Variants in PWWP3B observed in about 807,000 individuals in gnomAD.
The protein encoded by PWWP3B is PWWP domain-containing DNA repair factor 3B.
A neutral mutation model predicts 15.7 loss-of-function variants in PWWP3B; 5 were observed. The ratio of observed to expected loss-of-function variants is 0.32; its 90% CI spans 0.17 to 0.67. The LOEUF is 0.67. Among genes scored for constraint, PWWP3B ranks in the 30% least tolerant of loss-of-function variants. PWWP3B has a pLI of 0.74. For synonymous variants in PWWP3B, 203 were observed against 179.8 expected, an observed-to-expected ratio of 1.13 and a Z score of -1.03; for missense variants, 519 against 493.1, an observed-to-expected ratio of 1.05 and a Z score of -0.50.
intron 2 of PWWP3B, among the ~76,000 whole-genome samples, chrX:106,184,005 C>T (rs929591487): frequency 8.9e-6 from 1 of 111,757 alleles, no homozygotes; most frequent in South Asian, 3.8e-4. Context: ...TCTTTGCAAA[C>T]CTCACTGGTA....
intron 2 of PWWP3B, among the ~76,000 whole-genome samples, chrX:106,188,341 C>T (rs1285248424): frequency 1.8e-5 from 2 of 111,904 alleles, no homozygotes; most frequent in Admixed American, 1.9e-4. Flanking sequence ...TATTTCTACA[C>T]TACAGAGGGT....
intron 2 of PWWP3B, among the ~76,000 whole-genome samples, chrX:106,202,261 T>G (rs1923746441): frequency 8.9e-6 from 1 of 112,014 alleles, no homozygotes; most frequent in African/African-American, 3.2e-5. Context: ...TATGCATGTA[T>G]ATATGTGATT....
At chrX:106,178,862 A>T (rs1922038316) in intron 2 of PWWP3B, among the ~76,000 whole-genome samples, 1 of 112,252 alleles carries the variant, frequency 8.9e-6, no homozygotes, top group South Asian at 3.6e-4. Flanking sequence ...TTCAGTAACC[A>T]TGCAATTATT....
At chrX:106,193,051 A>G (rs1923105872) in intron 2 of PWWP3B, among the ~76,000 whole-genome samples, 1 of 111,511 alleles carries the variant, frequency 9.0e-6, no homozygotes. Context: ...GTAGATGTCT[A>G]TTAGGTCCGC....
intron 1 of PWWP3B, among the ~76,000 whole-genome samples, chrX:106,170,605 C>T (rs1171183989): frequency 9.0e-6 from 1 of 111,233 alleles, no homozygotes; most frequent in Non-Finnish European, 1.9e-5. Context: ...TTGTATTAGC[C>T]GACTATGAGA....
chrX:106,195,963 A>G (rs1209454482), intron 2 of PWWP3B, among the ~76,000 whole-genome samples: 1 of 111,728 alleles, frequency 9.0e-6, no homozygotes, highest in Non-Finnish European at 1.9e-5. Context: ...GTCTTATTTA[A>G]TTTATCTCAT....
At chrX:106,205,160 T>G in intron 3 of PWWP3B, 59 bp from the exon 4 acceptor site, 1 of 246,163 alleles carries the variant, frequency 4.1e-6, no homozygotes, top group Non-Finnish European at 7.3e-6. Context: ...TCACCTCCCG[T>G]TTTGGCGAAA....
rs763090018 is a variant in PWWP3B at position 106,206,889 on chromosome X, C to T, written c.1457C>T (p.Thr486Met). 5.8e-6 allele frequency: 7 copies of T among 1,209,107 alleles called. No homozygotes were observed. The highest frequency in any genetic ancestry group is 3.5e-5 in the South Asian group (2 of 56,608). Residue 486 changes from threonine (T) to methionine (M), a missense_variant, in exon 4 of 4, where the codon ACG becomes ATG. By Grantham distance (81) the Thr-to-Met change is moderately conservative (BLOSUM62 -1). Coordinates refer to ENST00000357175, the MANE Select transcript of PWWP3B (RefSeq NM_001171020.2). ...YRVRIGCGSFTGSLLEYYAAD... is the reference protein window; with the variant it reads ...YRVRIGCGSFMGSLLEYYAAD... ...GTTAGAATAGGTTGTGGTTCTTTCA[C>T]GGGCTCTTTGCTTGAGTATTATGCT...
At chrX:106,172,783 C>G (rs1921690021) in intron 2 of PWWP3B, among the ~76,000 whole-genome samples, 1 of 111,441 alleles carries the variant, frequency 9.0e-6, no homozygotes, top group South Asian at 3.7e-4. Context: ...TTTATTATCA[C>G]TATCAAGTAT....
At position 106,207,596 on chromosome X, in the gene PWWP3B, C is replaced by G. The variant is rs989225717; in HGVS notation, c.*73C>G. The G allele has an allele frequency of 1.0e-6, 1 of 994,683 alleles. No homozygotes were observed. The allele number at this position is 994,683 out of a possible 1,213,427, so 82.0% of individuals were successfully genotyped here. ...TTGAAAAAAGTCTCTGAACAATTCT[C>G]TCTAATACATATTTTCTGCAAATGG... On this transcript the variant is annotated 3_prime_UTR_variant, in exon 4 of 4. Coordinates refer to ENST00000357175, the MANE Select transcript of PWWP3B (RefSeq NM_001171020.2).
intron 2 of PWWP3B, among the ~76,000 whole-genome samples, chrX:106,186,537 T>C (rs1233539648): frequency 9.0e-6 from 1 of 111,181 alleles, no homozygotes; most frequent in Non-Finnish European, 1.9e-5. Flanking sequence ...CGCTTAGTGA[T>C]AGGTGATAGT....
At chrX:106,180,632 G>A (rs1270810997) in intron 2 of PWWP3B, among the ~76,000 whole-genome samples, 1 of 111,814 alleles carries the variant, frequency 8.9e-6, no homozygotes, top group Non-Finnish European at 1.9e-5. Flanking sequence ...GGCAATAGAG[G>A]CCTCTAAAAC....
intron 2 of PWWP3B, among the ~76,000 whole-genome samples, chrX:106,174,795 C>T (rs749787853): frequency 3.6e-5 from 4 of 111,421 alleles, no homozygotes; most frequent in Non-Finnish European, 5.7e-5. Context: ...ACCTTGTAAT[C>T]GTAGCATTTT....
chrX:106,186,171 T>C (rs1341873699), intron 2 of PWWP3B, among the ~76,000 whole-genome samples: 1 of 110,881 alleles, frequency 9.0e-6, no homozygotes, highest in Non-Finnish European at 1.9e-5. Context: ...ATAGATAGGA[T>C]AGATGGGTGA....
rs1372473165 is a variant in PWWP3B, at chrX:106,205,393, A to G, written c.-40A>G. On this transcript the variant is annotated 5_prime_UTR_variant, in exon 4 of 4. Coordinates refer to ENST00000357175, the MANE Select transcript of PWWP3B (RefSeq NM_001171020.2). Reference sequence around the variant, plus strand: ...AGCAGTGACAAAGATAGCCACCTCAACCTTTGGTAATAACCCTTGGCACAC... The same window carrying G: ...AGCAGTGACAAAGATAGCCACCTCAGCCTTTGGTAATAACCCTTGGCACAC... 1.8e-6 allele frequency: 2 copies of G among 1,088,589 alleles called. No homozygotes were observed. Among genetic ancestry groups the G allele is most frequent in the Non-Finnish European group, 2.4e-6 (2 of 832,314 alleles). 89.7% of individuals were successfully genotyped at this position (1,088,589 alleles called of 1,213,427 possible).
intron 2 of PWWP3B, among the ~76,000 whole-genome samples, chrX:106,177,042 GTCTT>G (rs1205828227): frequency 8.9e-6 from 1 of 112,897 alleles, no homozygotes; most frequent in African/African-American, 3.2e-5. Flanking sequence ...TCTTTACTGA[GTCTT>G]TATTATATGG....
At chrX:106,173,901 C>T (rs753355933) in intron 2 of PWWP3B, among the ~76,000 whole-genome samples, 4 of 111,269 alleles carry the variant, frequency 3.6e-5, no homozygotes, top group East Asian at 2.8e-4. Context: ...AGTTTTTCTC[C>T]GCTGAGCTAA....
chrX:106,207,617 A>T lies in PWWP3B; in HGVS notation c.*94A>T, dbSNP rs1465025928. On this transcript the variant is annotated 3_prime_UTR_variant, in exon 4 of 4. Coordinates refer to ENST00000357175, the MANE Select transcript of PWWP3B (RefSeq NM_001171020.2). ...TTCTCTCTAATACATATTTTCTGCA[A>T]ATGGGAGCATGGATAATGTGTTCAC... The T allele has an allele frequency of 1.1e-6, 1 of 879,551 alleles. No individual in the cohort carries two copies. Among genetic ancestry groups the T allele is most frequent in the Non-Finnish European group, 1.5e-6 (1 of 657,264 alleles). The allele number at this position is 879,551 out of a possible 1,213,427, so 72.5% of individuals were successfully genotyped here.
At chrX:106,190,648 A>G (rs1204465845) in intron 2 of PWWP3B, among the ~76,000 whole-genome samples, 1 of 111,381 alleles carries the variant, frequency 9.0e-6, no homozygotes, top group Non-Finnish European at 1.9e-5. Context: ...ATATTGCCTA[A>G]GTTTTCTTCT....
Sources: gnomAD v4.1 joint callset for allele counts (sites outside exome capture counted in the v4.1 genomes callset) on GRCh38, gnomAD v4.1.1 for gene constraint, MANE v1.5 for transcripts, NCBI Gene and HGNC (gene_info 2026-07-23, HGNC 2026-07-21) for gene names.